Variants in KMT2A observed in about 807,000 individuals in gnomAD.
KMT2A encodes the protein lysine methyltransferase 2A, also known as histone-lysine N-methyltransferase 2A.
KMT2A carries 16 observed loss-of-function variants against 345.3 expected under a neutral mutation model. That is an observed-to-expected ratio of 0.05 (90% confidence interval 0.03 to 0.07). The LOEUF (loss-of-function observed/expected upper bound fraction) is 0.07. Among genes scored for constraint, KMT2A ranks in the 10% least tolerant of loss-of-function variants. The probability of loss-of-function intolerance (pLI) is 1.00; values close to 1 mark genes in which losing one functional copy is unlikely to be tolerated. For synonymous variants in KMT2A, 1,599 were observed against 1,778.6 expected (o/e 0.90, Z 2.54); for missense variants, 3,272 against 4,841.6 (o/e 0.68, Z 9.62).
intron 31 of KMT2A, 70 bp downstream of exon 31, chr11:118,512,095 T>C: frequency 7.1e-7 from 1 of 1,409,648 alleles, no homozygotes; most frequent in Non-Finnish European, 9.8e-7. Context: ...TAAGGCAGAG[T>C]TGATTCTGTG....
At chr11:118,514,099 T>C (rs932979750) in intron 31 of KMT2A, among the ~76,000 whole-genome samples, 4 of 152,182 alleles carry the variant, frequency 2.6e-5, no homozygotes, top group Non-Finnish European at 4.4e-5. Context: ...GTCTCCTATC[T>C]CACCTCCTTG....
chr11:118,506,515 A>G lies in KMT2A; in HGVS notation c.10623A>G (p.Pro3541=), dbSNP rs782511879. The G allele has an allele frequency of 2.1e-5, 34 of 1,614,198 alleles. No homozygotes were observed. Among genetic ancestry groups the G allele is most frequent in the Non-Finnish European group, 2.8e-5 (33 of 1,180,036 alleles). The change falls in exon 27 of 36, where the codon CCA becomes CCG. Residue 3541 remains proline (P), a synonymous_variant. Transcript: ENST00000534358. The part of the protein sequence containing the change: ...PSVPGPTKPK[P]KTKRFQLPLD... ...TGCCGGGTCCCACTAAACCCAAACCAAAAACCAAACGGTTTCAGCTGCCTC... is the reference window on the plus strand; with the variant it reads ...TGCCGGGTCCCACTAAACCCAAACCGAAAACCAAACGGTTTCAGCTGCCTC...
chr11:118,519,646 T>C lies in KMT2A; in HGVS notation c.11175T>C (p.Ile3725=). The C allele has an allele frequency of 6.8e-6, 11 of 1,613,638 alleles. No homozygotes were observed. Among genetic ancestry groups the C allele is most frequent in the Non-Finnish European group, 9.3e-6 (11 of 1,179,564 alleles). ...TTAACGGTTTGAGGATGCTGGGGAT[T>C]CTCCATGATGCAGTTGTGTTCCTCA... is the stretch of plus-strand genomic sequence containing the variant. ...AGVNGLRMLG[I]LHDAVVFLIE... The change falls in exon 32 of 36, where the codon ATT becomes ATC. Residue 3725 remains isoleucine (I), a synonymous_variant. Coordinates refer to ENST00000534358, the MANE Select transcript of KMT2A (RefSeq NM_001197104.2).
rs375010813 is a variant in KMT2A, at chr11:118,506,149, T to C, written c.10257T>C (p.Ser3419=). 62 of 1,614,198 alleles carry C rather than the reference T, an allele frequency of 3.8e-5. No homozygotes were observed. In the African/African-American group the frequency reaches 7.3e-4, roughly 19 times the overall value. The change falls in exon 27 of 36, where the codon TCT becomes TCC. Residue 3419 remains serine (S), a synonymous_variant. Coordinates refer to ENST00000534358, the MANE Select transcript of KMT2A (RefSeq NM_001197104.2). Reference sequence around the variant, plus strand: ...AACTGGGGACATCACAGACCCCCTCTACTGCTGCAATAACAGCGGCATCTA... The same window carrying C: ...AACTGGGGACATCACAGACCCCCTCCACTGCTGCAATAACAGCGGCATCTA... The part of the protein sequence containing the change: ...FPQLGTSQTP[S]TAAITAASSI...
intron 1 of KMT2A, among the ~76,000 whole-genome samples, chr11:118,443,877 T>G (rs530436523): frequency 1.3e-5 from 2 of 152,324 alleles, no homozygotes; most frequent in East Asian, 3.9e-4. Flanking sequence ...TTTTATCCAT[T>G]TTCTTGCATT....
Position 118,506,286 on chromosome 11 carries a change from A to C in KMT2A, c.10394A>C (p.Lys3465Thr). 6.2e-7 allele frequency: 1 copy of C among 1,614,188 alleles called. No individual in the cohort carries two copies. The highest frequency in any genetic ancestry group is 1.3e-5 in the African/African-American group (1 of 75,024). The change falls in exon 27 of 36, where the codon AAA becomes ACA. Residue 3465 changes from lysine to threonine, a missense_variant. Lys to Thr is a moderately conservative substitution (Grantham distance 78). Around this residue, in one of 27 missense-constraint regions of KMT2A, gnomAD observed 748 missense variants for 922.2 expected, o/e 0.81. Transcript: ENST00000534358. ...CATGTGAACCAGCTCCTTGCCAGCAAAACTGGGATTCATTCTTCCCAGCGT... is the reference window on the plus strand; with the variant it reads ...CATGTGAACCAGCTCCTTGCCAGCACAACTGGGATTCATTCTTCCCAGCGT... ...LQHVNQLLAS[K>T]TGIHSSQRDL...
chr11:118,458,953 G>A (rs146967399), intron 1 of KMT2A, among the ~76,000 whole-genome samples: 1 of 152,256 alleles, frequency 6.6e-6, no homozygotes, highest in African/African-American at 2.4e-5. Context: ...TCAAAACAAA[G>A]TATTTCAAAA....
chr11:118,505,217 T>C lies in KMT2A; in HGVS notation c.9325T>C (p.Ser3109Pro). The C allele has an allele frequency of 4.3e-6, 7 of 1,614,080 alleles. No individual in the cohort carries two copies. The highest frequency in any genetic ancestry group is 5.1e-6 in the Non-Finnish European group (6 of 1,180,000). ...NGVTQKIQLT[S>P]SVSSTPSVME... is the part of the protein sequence containing the mutation. Reference sequence around the variant, plus strand: ...AGTGACCCAAAAAATCCAATTGACCTCTTCTGTTAGTTCTACACCCAGTGT... The same window carrying C: ...AGTGACCCAAAAAATCCAATTGACCCCTTCTGTTAGTTCTACACCCAGTGT... The change falls in exon 27 of 36, where the codon TCT (serine) becomes CCT (proline). Residue 3109 changes from serine (S) to proline (P), a missense_variant. By Grantham distance (74) the Ser-to-Pro change is moderately conservative. Coordinates refer to ENST00000534358, the MANE Select transcript of KMT2A (RefSeq NM_001197104.2). This position sits in a 1 kb window ranked among gnomAD's most constrained non-coding sequence, Gnocchi z 4.6.
intron 1 of KMT2A, among the ~76,000 whole-genome samples, chr11:118,440,680 T>G (rs1238748581): frequency 6.6e-6 from 1 of 152,202 alleles, no homozygotes; most frequent in Non-Finnish European, 1.5e-5. Context: ...TGTATTTATT[T>G]TCACTTGAAA....
rs782550908 is a variant in KMT2A at position 118,506,415 on chromosome 11, T to A, written c.10523T>A (p.Val3508Glu). 1 of 1,614,168 alleles carries A rather than the reference T, an allele frequency of 6.2e-7. No homozygotes were observed. Among genetic ancestry groups the A allele is most frequent in the Non-Finnish European group, 8.5e-7 (1 of 1,180,028 alleles). ...LEQNKALSSA[V>E]QASPTSPGGS... ...CAGAACAAGGCTTTATCCTCAGCTGTGCAAGCCAGCCCCACCTCTCCTGGG... is the reference window on the plus strand; with the variant it reads ...CAGAACAAGGCTTTATCCTCAGCTGAGCAAGCCAGCCCCACCTCTCCTGGG... Residue 3508 changes from valine to glutamate, a missense_variant, in exon 27 of 36, where the codon GTG becomes GAG. Coordinates refer to ENST00000534358, the MANE Select transcript of KMT2A (RefSeq NM_001197104.2).
chr11:118,476,053 G>A lies in KMT2A; in HGVS notation c.3157-752G>A, dbSNP rs1235932901. Reference sequence around the variant, plus strand: ...CCCAAGTAGCTGGGATTACGGGCATGCACCACCACGCCCAGCTAATTTTGT... The same window carrying A: ...CCCAAGTAGCTGGGATTACGGGCATACACCACCACGCCCAGCTAATTTTGT... On this transcript the variant is annotated intron_variant, in intron 3 of 35. Coordinates refer to ENST00000534358, the MANE Select transcript of KMT2A (RefSeq NM_001197104.2). The surrounding 1 kb of genome is among the most constrained non-coding windows in gnomAD (Gnocchi z 4.1). Among the ~76,000 whole-genome samples, 2 of 152,036 alleles carry A rather than the reference G, an allele frequency of 1.3e-5. No homozygotes were observed. Among genetic ancestry groups the A allele is most frequent in the African/African-American group, 4.8e-5 (2 of 41,418 alleles).
chr11:118,519,295 G>C (rs1555052681), intron 31 of KMT2A: 1 of 212,440 alleles, frequency 4.7e-6, no homozygotes, highest in Non-Finnish European at 9.7e-6. Flanking sequence ...TTCCTGCCCT[G>C]TGTGGTCATT....
In KMT2A at chr11:118,506,551, G is replaced by A; in HGVS notation, c.10659G>A (p.Gly3553=). The change falls in exon 27 of 36, where the codon GGG becomes GGA. Residue 3553 remains glycine (G), a synonymous_variant. Transcript: ENST00000534358. ...TKRFQLPLDK[G]NGKKHKVSHL... ...GGTTTCAGCTGCCTCTAGACAAAGG[G>A]AATGGCAAGAAGCACAAAGTTTCCC... 2.5e-6 allele frequency: 4 copies of A among 1,614,166 alleles called. No homozygotes were observed. The highest frequency in any genetic ancestry group is 3.4e-6 in the Non-Finnish European group (4 of 1,180,028).
chr11:118,455,053 G>A (rs1555030355), intron 1 of KMT2A, among the ~76,000 whole-genome samples: 1 of 151,916 alleles, frequency 6.6e-6, no homozygotes, highest in Non-Finnish European at 1.5e-5. Flanking sequence ...TTAGAGACAG[G>A]GTTTCACTCT....
Position 118,495,870 on chromosome 11 carries a change from A to C in KMT2A, c.5534A>C (p.His1845Pro). 6.2e-7 allele frequency: 1 copy of C among 1,613,686 alleles called. No individual in the cohort carries two copies. The highest frequency in any genetic ancestry group is 8.5e-7 in the Non-Finnish European group (1 of 1,179,816). ...PGEPDSPTPL[H>P]PPTPPILSTD... ...GAACCAGACTCACCAACTCCTCTGCATCCTCCTACACCACCAATTTTGAGT... is the reference window on the plus strand; with the variant it reads ...GAACCAGACTCACCAACTCCTCTGCCTCCTCCTACACCACCAATTTTGAGT... Residue 1845 changes from histidine (H) to proline (P), a missense_variant, in exon 19 of 36, where the codon CAT becomes CCT. By Grantham distance (77) the His-to-Pro change is moderately conservative (BLOSUM62 -2). This residue lies in a region of KMT2A where 235 missense variants were observed against 503.4 expected (regional missense o/e 0.47). Transcript: ENST00000534358. This position sits in a 1 kb window ranked among gnomAD's most constrained non-coding sequence, Gnocchi z 4.1.
intron 1 of KMT2A, among the ~76,000 whole-genome samples, chr11:118,446,644 G>A (rs1272125239): frequency 1.3e-5 from 2 of 152,144 alleles, no homozygotes; most frequent in East Asian, 3.9e-4. Context: ...TGTCCCTGCT[G>A]TTCTGTTCCT....
At chr11:118,443,196 G>T (rs1555026320) in intron 1 of KMT2A, among the ~76,000 whole-genome samples, 1 of 152,078 alleles carries the variant, frequency 6.6e-6, no homozygotes, top group Admixed American at 6.6e-5. Flanking sequence ...GCTGGGAATA[G>T]GGAGGAAAAA....
At position 118,505,557 on chromosome 11, in the gene KMT2A, A is replaced by G. The variant is rs782106243; in HGVS notation, c.9665A>G (p.Lys3222Arg). 1.1e-5 allele frequency: 17 copies of G among 1,614,052 alleles called. No individual in the cohort carries two copies. In the African/African-American group the frequency reaches 1.9e-4, roughly 18 times the overall value. ...TTVATPSSGL[K>R]KRPISRLQTR... ...GTAGCCACTCCATCCTCTGGACTCAAGAAAAGACCCATATCTCGTCTACAG... is the reference window on the plus strand; with the variant it reads ...GTAGCCACTCCATCCTCTGGACTCAGGAAAAGACCCATATCTCGTCTACAG... Residue 3222 changes from lysine (K) to arginine (R), a missense_variant, in exon 27 of 36, where the codon AAG becomes AGG. By Grantham distance (26) the Lys-to-Arg change is conservative. This residue lies in a region of KMT2A where 748 missense variants were observed against 922.2 expected (regional missense o/e 0.81). Transcript: ENST00000534358. This position sits in a 1 kb window ranked among gnomAD's most constrained non-coding sequence, Gnocchi z 4.6.
At position 118,519,682 on chromosome 11, in the gene KMT2A, G is replaced by C. The variant is rs1950914714; in HGVS notation, c.11211G>C (p.Leu3737=). 5 of 1,614,032 alleles carry C rather than the reference G, an allele frequency of 3.1e-6. No individual in the cohort carries two copies. The highest frequency in any genetic ancestry group is 1.7e-5 in the Admixed American group (1 of 60,000). Residue 3737 remains leucine (L), a synonymous_variant, in exon 32 of 36, where the codon CTG becomes CTC. Coordinates refer to ENST00000534358, the MANE Select transcript of KMT2A (RefSeq NM_001197104.2). The stretch of plus-strand genomic sequence containing the variant: ...CAGTTGTGTTCCTCATTGAGCAGCT[G>C]TCTGGTGCCAAGCACTGTCGAAATT... ...HDAVVFLIEQ[L]SGAKHCRNYK... is the part of the protein sequence containing the mutation.
Sources: allele counts gnomAD v4.1 joint callset (sites outside exome capture counted in the v4.1 genomes callset), GRCh38; gene constraint gnomAD v4.1.1; regional missense constraint gnomAD v4.1.1; non-coding constraint Gnocchi (gnomAD v3.1); transcripts MANE v1.5; gene names NCBI Gene and HGNC (gene_info 2026-07-23, HGNC 2026-07-21).